The following LOC400499 variants were observed in gnomAD, a reference collection of about 807,000 sequenced individuals.
chr16:11,478,119 C>A, the LOC400499 span: 3 of 392,466 alleles, frequency 7.6e-6, no homozygotes, highest in Non-Finnish European at 4.5e-6. Context: ...TTGAGACCAG[C>A]CTGGCCAACA....
the LOC400499 span, among the ~76,000 whole-genome samples, chr16:11,518,100 C>T: frequency 5.3e-5 from 8 of 152,248 alleles, no homozygotes; most frequent in South Asian, 2.1e-4. Context: ...GAAGTGACAA[C>T]CCCTGGCCCC....
the LOC400499 span, chr16:11,391,602 C>A: frequency 8.2e-7 from 1 of 1,212,978 alleles, no homozygotes; most frequent in Non-Finnish European, 1.0e-6. Flanking sequence ...GCGCTTAGGG[C>A]CCCGGTGGAG....
At chr16:11,432,672 T>C in the LOC400499 span, among the ~76,000 whole-genome samples, 1 of 152,208 alleles carries the variant, frequency 6.6e-6, no homozygotes, top group Non-Finnish European at 1.5e-5. Flanking sequence ...GTTCCTATCA[T>C]CACACAGTGA....
At chr16:11,424,374 G>T in the LOC400499 span, 2 of 399,516 alleles carry the variant, frequency 5.0e-6, no homozygotes, top group Non-Finnish European at 8.8e-6. Context: ...GGCAGGAGTG[G>T]GCAGAGCCCC....
the LOC400499 span, among the ~76,000 whole-genome samples, chr16:11,436,583 T>TA: frequency 6.6e-6 from 1 of 152,018 alleles, no homozygotes; most frequent in African/African-American, 2.4e-5. Flanking sequence ...AGGAAAAGTT[T>TA]TTTTTTTTTT....
the LOC400499 span, chr16:11,431,073 G>C: frequency 7.5e-6 from 3 of 399,078 alleles, no homozygotes; most frequent in Non-Finnish European, 1.3e-5. Flanking sequence ...GCCTTCCTGT[G>C]AGTGTCAGGA....
At chr16:11,487,409 A>G in the LOC400499 span, 1 of 398,834 alleles carries the variant, frequency 2.5e-6, no homozygotes, top group Admixed American at 4.4e-5. Context: ...CAAGAACATC[A>G]GTACACTCTG....
chr16:11,382,867 ACTTAG>A, the LOC400499 span, among the ~76,000 whole-genome samples: 1 of 152,150 alleles, frequency 6.6e-6, no homozygotes, highest in Admixed American at 6.5e-5. Context: ...CTCTGTGGAC[ACTTAG>A]CTTAGTAGGG....
At chr16:11,525,143 G>C in the LOC400499 span, among the ~76,000 whole-genome samples, 6 of 151,978 alleles carry the variant, frequency 3.9e-5, no homozygotes, top group Admixed American at 3.9e-4. Flanking sequence ...AATTAGCCGG[G>C]CGTGGTGGTG....
chr16:11,380,203 T>C, the LOC400499 span, among the ~76,000 whole-genome samples: 1 of 152,050 alleles, frequency 6.6e-6, no homozygotes, highest in African/African-American at 2.4e-5. Context: ...AAAATTACAA[T>C]ACAGGTCTTT....
At chr16:11,451,400 C>T in the LOC400499 span, among the ~76,000 whole-genome samples, 16 of 152,056 alleles carry the variant, frequency 1.1e-4, no homozygotes, top group Non-Finnish European at 2.2e-4. Flanking sequence ...GGCAACAAAG[C>T]GAGACCCCAT....
chr16:11,520,860 C>G, the LOC400499 span, among the ~76,000 whole-genome samples: 1 of 152,034 alleles, frequency 6.6e-6, no homozygotes, highest in Non-Finnish European at 1.5e-5. Flanking sequence ...ATTCATTAAC[C>G]TCCCAAGGGG....
At chr16:11,396,632 A>T in the LOC400499 span, 1 of 1,232,078 alleles carries the variant, frequency 8.1e-7, no homozygotes, top group African/African-American at 1.6e-5. Context: ...ACGCAGCAGG[A>T]GTCCACCCTG....
the LOC400499 span, chr16:11,478,591 G>A: frequency 1.5e-5 from 6 of 398,896 alleles, no homozygotes; most frequent in South Asian, 1.3e-4. Context: ...GTGACTCCCC[G>A]TGGCCCCGCA....
chr16:11,496,705 C>G, the LOC400499 span, among the ~76,000 whole-genome samples: 1 of 152,028 alleles, frequency 6.6e-6, no homozygotes, highest in Non-Finnish European at 1.5e-5. Context: ...TGTGCCCACG[C>G]ACAGCCCAGT....
chr16:11,460,717 C>A, the LOC400499 span: 17 of 1,411,346 alleles, frequency 1.2e-5, 1 homozygote, highest in South Asian at 2.5e-4. Flanking sequence ...CCACACCCCC[C>A]ATGCTTTGCT....
chr16:11,431,107 G>A, the LOC400499 span: 2 of 399,138 alleles, frequency 5.0e-6, no homozygotes, highest in African/African-American at 2.1e-5. Flanking sequence ...TGCCCAGCCA[G>A]CCACCGTGTG....
the LOC400499 span, among the ~76,000 whole-genome samples, chr16:11,512,749 A>G: frequency 1.1e-4 from 17 of 151,572 alleles, no homozygotes; most frequent in East Asian, 3.9e-4. Context: ...AAAAAGGAGG[A>G]AAAAAAAAGA....
the LOC400499 span, among the ~76,000 whole-genome samples, chr16:11,422,521 G>C: frequency 6.6e-6 from 1 of 151,830 alleles, no homozygotes; most frequent in South Asian, 2.1e-4. Context: ...CAGCAGCTGC[G>C]ATCACTGCCT....
Sources: gnomAD v4.1 joint callset for allele counts (sites outside exome capture counted in the v4.1 genomes callset) on GRCh38, gnomAD v4.1.1 for gene constraint, MANE v1.5 for transcripts.